LY86: variants seen among roughly 807,000 people sequenced by gnomAD.
The protein encoded by LY86 is MD-1, RP105-associated.
Under a neutral mutation model 17.3 loss-of-function variants are expected in LY86, and 20 were observed. That is an observed-to-expected ratio of 1.15 (90% CI 0.81 to 1.68). The LOEUF (loss-of-function observed/expected upper bound fraction) is 1.68, where lower values mean the gene tolerates loss of function less well. Among genes scored for constraint, LY86 ranks in the 40% most tolerant of loss-of-function variants. The pLI is 0.00. For synonymous variants in LY86, 74 were observed against 70.6 expected, an observed-to-expected ratio of 1.05 and a Z score of -0.24; for missense variants, 200 against 191.9, an observed-to-expected ratio of 1.04 and a Z score of -0.25.
intron 1 of LY86, among the ~76,000 whole-genome samples, chr6:6,601,539 A>T (rs1181011890): frequency 2.6e-5 from 4 of 152,090 alleles, no homozygotes; most frequent in Non-Finnish European, 5.9e-5. Context: ...TGGCTAACAC[A>T]GTGAAACCCT....
At chr6:6,611,830 G>A (rs189586990) in intron 1 of LY86, among the ~76,000 whole-genome samples, 1 of 152,260 alleles carries the variant, frequency 6.6e-6, no homozygotes, top group African/African-American at 2.4e-5. Context: ...AAATAGCAGG[G>A]CTTTTGTCTC....
chr6:6,626,403 T>G lies in LY86; in HGVS notation c.334T>G (p.Cys112Gly). 6.2e-7 allele frequency: 1 copy of G among 1,613,940 alleles called. No homozygotes were observed. The highest frequency in any genetic ancestry group is 8.5e-7 in the Non-Finnish European group (1 of 1,179,988). ...GGCGGCTCTGCCCAAGTTTTCTTTC[T>G]GTGGAAGAAGGAAAGGAGGTAAGCC... is the stretch of plus-strand genomic sequence containing the variant. ...CEAALPKFSFCGRRKGEQIYY... is the reference protein window; with the variant it reads ...CEAALPKFSFGGRRKGEQIYY... Residue 112 changes from cysteine (C) to glycine (G), a missense_variant, in exon 3 of 5, where the codon TGT becomes GGT. Transcript: ENST00000230568.
chr6:6,644,976 T>C (rs72821174), intron 3 of LY86, among the ~76,000 whole-genome samples: 1,577 of 152,208 alleles, frequency 0.01, 16 homozygotes, highest in Non-Finnish European at 0.017. Context: ...AAAGCTCCAA[T>C]TGAAACTGTA....
intron 3 of LY86, among the ~76,000 whole-genome samples, chr6:6,649,078 A>G (rs1762148142): frequency 6.6e-6 from 1 of 152,260 alleles, no homozygotes; most frequent in South Asian, 2.1e-4. Context: ...TCACAGTTCC[A>G]GAGGGCTGGG....
At chr6:6,594,816 T>C (rs1760648622) in intron 1 of LY86, among the ~76,000 whole-genome samples, 1 of 152,202 alleles carries the variant, frequency 6.6e-6, no homozygotes, top group Non-Finnish European at 1.5e-5. Context: ...AACAGGTAGA[T>C]AGGAAGTTTA....
intron 3 of LY86, among the ~76,000 whole-genome samples, chr6:6,635,249 T>A (rs1279278898): frequency 6.6e-6 from 1 of 152,226 alleles, no homozygotes; most frequent in African/African-American, 2.4e-5. Context: ...AAGCCATGAA[T>A]AGTAACAAAT....
chr6:6,634,954 A>G (rs914370392), intron 3 of LY86, among the ~76,000 whole-genome samples: 5 of 152,208 alleles, frequency 3.3e-5, no homozygotes, highest in African/African-American at 1.2e-4. Context: ...ACAGGGCTAA[A>G]CCACCTTCCC....
At chr6:6,605,794 C>CA (rs1427533656) in intron 1 of LY86, among the ~76,000 whole-genome samples, 1 of 151,800 alleles carries the variant, frequency 6.6e-6, no homozygotes, top group Non-Finnish European at 1.5e-5. Context: ...CAGTTTCTTC[C>CA]TTTTGGTGGG....
intron 1 of LY86, among the ~76,000 whole-genome samples, chr6:6,606,550 G>C (rs191000984): frequency 1.3e-5 from 2 of 152,178 alleles, no homozygotes; most frequent in East Asian, 1.9e-4. Context: ...AGGCTTGGGC[G>C]GCACAGGAGC....
chr6:6,618,936 G>A (rs1337811694), intron 1 of LY86, among the ~76,000 whole-genome samples: 1 of 152,202 alleles, frequency 6.6e-6, no homozygotes, highest in Non-Finnish European at 1.5e-5. Flanking sequence ...GGTGGGGAGG[G>A]AGTATGAGGG....
chr6:6,624,071 C>CA (rs558418748), intron 1 of LY86, among the ~76,000 whole-genome samples: 1 of 152,018 alleles, frequency 6.6e-6, no homozygotes, highest in Non-Finnish European at 1.5e-5. Flanking sequence ...AGATAATGGC[C>CA]AAAAAGACTA....
intron 1 of LY86, among the ~76,000 whole-genome samples, chr6:6,612,032 A>G (rs1364515714): frequency 2.0e-5 from 2 of 98,078 alleles, no homozygotes; most frequent in Non-Finnish European, 4.1e-5. Context: ...GGTCTCTTGT[A>G]TTAGGAGAGA....
At chr6:6,624,380 A>ATGGGATGGGATGGGATGGGT (rs1761742442) in intron 1 of LY86, among the ~76,000 whole-genome samples, 1 of 115,548 alleles carries the variant, frequency 8.7e-6, no homozygotes, top group African/African-American at 3.5e-5. Flanking sequence ...ATTAAATGGG[A>ATGGGATGGGATGGGATGGGT]TGGGATGGGA....
intron 1 of LY86, among the ~76,000 whole-genome samples, chr6:6,595,261 G>C (rs968731132): frequency 6.7e-6 from 1 of 149,414 alleles, no homozygotes. Context: ...AAGGAGGGAA[G>C]GGGAGGAGGA....
intron 1 of LY86, among the ~76,000 whole-genome samples, chr6:6,617,396 C>T (rs771089097): frequency 1.3e-5 from 2 of 152,060 alleles, no homozygotes; most frequent in Admixed American, 1.3e-4. Flanking sequence ...AAAGTGAATC[C>T]GTGGGAAACA....
intron 3 of LY86, among the ~76,000 whole-genome samples, chr6:6,642,562 G>A (rs3804489): frequency 0.58 from 88,232 of 152,114 alleles, 26,162 homozygotes; most frequent in African/African-American, 0.69. Context: ...TCTAGCTACC[G>A]TGACATTCGC....
intron 1 of LY86, among the ~76,000 whole-genome samples, chr6:6,594,889 T>C (rs1272752321): frequency 1.3e-5 from 2 of 152,190 alleles, no homozygotes; most frequent in Non-Finnish European, 2.9e-5. Context: ...TAAAGTAATA[T>C]ACCTGAGCCA....
intron 1 of LY86, among the ~76,000 whole-genome samples, chr6:6,614,744 GA>G (rs11412069): frequency 4.7e-5 from 7 of 150,012 alleles, no homozygotes; most frequent in South Asian, 2.1e-4. Flanking sequence ...AAATGAAACA[GA>G]AAAAAAAAAT....
At chr6:6,596,582 G>A (rs1348273831) in intron 1 of LY86, among the ~76,000 whole-genome samples, 1 of 152,214 alleles carries the variant, frequency 6.6e-6, no homozygotes, top group Non-Finnish European at 1.5e-5. Flanking sequence ...GGATGACTCT[G>A]GGCGCGCAGG....
Sources: gnomAD v4.1 joint callset for allele counts (sites outside exome capture counted in the v4.1 genomes callset) on GRCh38, gnomAD v4.1.1 for gene constraint, MANE v1.5 for transcripts, NCBI Gene and HGNC (gene_info 2026-07-23, HGNC 2026-07-21) for gene names.